Variants in NCKAP5 observed in about 807,000 individuals in gnomAD.
NCKAP5 encodes NCK associated protein 5.
In NCKAP5, 92 loss-of-function variants were observed where a neutral mutation model predicts 167.0. The observed-to-expected ratio is 0.55, with a 90% CI of 0.47 to 0.66. The LOEUF is 0.66. NCKAP5 is among the 30% of genes least tolerant of loss of function. The probability of loss-of-function intolerance (pLI) is 0.00; values close to 1 mark genes in which losing one functional copy is unlikely to be tolerated. For missense variants in NCKAP5, 2,378 were observed against 2,315.0 expected (o/e 1.03, Z -0.56); for synonymous variants, 891 against 877.4 (o/e 1.02, Z -0.27).
chr2:133,652,476 T>G, the NCKAP5 span, among the ~76,000 whole-genome samples: 1 of 152,228 alleles, frequency 6.6e-6, no homozygotes, highest in African/African-American at 2.4e-5. Context: ...AGCAACGTAT[T>G]GACGGAGAAT....
intron 3 of NCKAP5, among the ~76,000 whole-genome samples, chr2:133,475,790 A>G (rs1398032767): frequency 1.3e-5 from 2 of 152,222 alleles, no homozygotes; most frequent in Non-Finnish European, 2.9e-5. Flanking sequence ...CAAGAGAAAA[A>G]TGATGGAATG....
chr2:133,597,139 G>C, the NCKAP5 span, among the ~76,000 whole-genome samples: 1 of 152,202 alleles, frequency 6.6e-6, no homozygotes, highest in African/African-American at 2.4e-5. Flanking sequence ...CATCTGTGAT[G>C]ATCTGTGGAG....
chr2:132,814,981 T>C (rs917351387), intron 11 of NCKAP5, among the ~76,000 whole-genome samples: 4 of 152,188 alleles, frequency 2.6e-5, no homozygotes, highest in Non-Finnish European at 4.4e-5. Context: ...AAAGAGAAAT[T>C]CCTAATCTCC....
chr2:132,882,409 C>T (rs1691834286), intron 8 of NCKAP5, among the ~76,000 whole-genome samples: 2 of 152,148 alleles, frequency 1.3e-5, no homozygotes, highest in East Asian at 1.9e-4. Context: ...TTCGTATCTT[C>T]TCCTTTTCAT....
At chr2:133,314,886 C>T (rs551972865) in intron 3 of NCKAP5, among the ~76,000 whole-genome samples, 9 of 152,232 alleles carry the variant, frequency 5.9e-5, no homozygotes, top group African/African-American at 7.2e-5. Flanking sequence ...CGGAACTAAC[C>T]GAGGTGGCTA....
chr2:133,586,083 T>A, the NCKAP5 span, among the ~76,000 whole-genome samples: 1 of 152,216 alleles, frequency 6.6e-6, no homozygotes, highest in Admixed American at 6.5e-5. Flanking sequence ...CTTCTCAACA[T>A]CTTTAGCATA....
At chr2:133,009,188 T>G (rs1222618704) in intron 6 of NCKAP5, among the ~76,000 whole-genome samples, 1 of 152,184 alleles carries the variant, frequency 6.6e-6, no homozygotes, top group Non-Finnish European at 1.5e-5. Flanking sequence ...AGAATATTCT[T>G]GGACATGAAC....
chr2:133,490,075 A>G (rs1235008793), intron 3 of NCKAP5, among the ~76,000 whole-genome samples: 1 of 152,194 alleles, frequency 6.6e-6, no homozygotes, highest in Non-Finnish European at 1.5e-5. Context: ...CAGTTCTACA[A>G]ATGGTCAGGG....
intron 3 of NCKAP5, among the ~76,000 whole-genome samples, chr2:133,476,309 C>T (rs1310554074): frequency 6.6e-6 from 1 of 152,188 alleles, no homozygotes; most frequent in African/African-American, 2.4e-5. Flanking sequence ...AGCATTAAAG[C>T]ATTGAGGAAA....
At chr2:132,991,592 G>A (rs2149301546) in intron 7 of NCKAP5, among the ~76,000 whole-genome samples, 1 of 152,302 alleles carries the variant, frequency 6.6e-6, no homozygotes, top group African/African-American at 2.4e-5. Context: ...GCAATTAGCA[G>A]GGGCCTGGAA....
intron 10 of NCKAP5, among the ~76,000 whole-genome samples, chr2:132,862,070 G>A (rs1419184425): frequency 2.0e-5 from 3 of 152,202 alleles, no homozygotes; most frequent in Non-Finnish European, 2.9e-5. Flanking sequence ...TATGTATTCT[G>A]ATGTGGGGCA....
At chr2:132,723,977 TCTCATTTGGC>T (rs1690202233) in intron 19 of NCKAP5, among the ~76,000 whole-genome samples, 1 of 152,144 alleles carries the variant, frequency 6.6e-6, no homozygotes, top group South Asian at 2.1e-4. Context: ...TCTGGCCCCT[TCTCATTTGGC>T]CTCATCCATC....
At chr2:133,097,639 G>A (rs960311276) in intron 6 of NCKAP5, among the ~76,000 whole-genome samples, 1 of 152,152 alleles carries the variant, frequency 6.6e-6, no homozygotes, top group Non-Finnish European at 1.5e-5. Context: ...AACAGTAGGG[G>A]AACAGCCTCT....
At chr2:133,121,222 T>C (rs1189573015) in intron 6 of NCKAP5, among the ~76,000 whole-genome samples, 1 of 152,084 alleles carries the variant, frequency 6.6e-6, no homozygotes, top group African/African-American at 2.4e-5. Context: ...CTTTAACGCA[T>C]AAAATATGAA....
chr2:133,287,007 T>G (rs538766063), intron 4 of NCKAP5, among the ~76,000 whole-genome samples: 86 of 152,220 alleles, frequency 5.6e-4, no homozygotes, highest in Non-Finnish European at 1.1e-3. Flanking sequence ...ATCTGAAAGA[T>G]GACCACTTTG....
At chr2:132,976,797 C>G (rs2076990316) in intron 7 of NCKAP5, among the ~76,000 whole-genome samples, 1 of 151,250 alleles carries the variant, frequency 6.6e-6, no homozygotes, top group Non-Finnish European at 1.5e-5. Context: ...AATTCTAAAA[C>G]AAAATAAAAA....
intron 19 of NCKAP5, among the ~76,000 whole-genome samples, chr2:132,685,265 T>A (rs1053954108): frequency 6.6e-6 from 1 of 152,148 alleles, no homozygotes; most frequent in Non-Finnish European, 1.5e-5. Context: ...AAGGTCTCTC[T>A]CTCCTGCCTC....
intron 13 of NCKAP5, among the ~76,000 whole-genome samples, chr2:132,787,460 G>C (rs1353219985): frequency 1.3e-5 from 2 of 151,946 alleles, no homozygotes; most frequent in African/African-American, 2.4e-5. Context: ...TCTCCTCCCT[G>C]CCCCACACGC....
chr2:133,370,100 A>G (rs1204471147), intron 3 of NCKAP5, among the ~76,000 whole-genome samples: 1 of 152,218 alleles, frequency 6.6e-6, no homozygotes, highest in Non-Finnish European at 1.5e-5. Context: ...TTACAATCCT[A>G]TTAGTCATGA....
Sources: gnomAD v4.1 joint callset for allele counts (sites outside exome capture counted in the v4.1 genomes callset) on GRCh38, gnomAD v4.1.1 for gene constraint, MANE v1.5 for transcripts, NCBI Gene and HGNC (gene_info 2026-07-23, HGNC 2026-07-21) for gene names.